The following UBTD2 variants were observed in gnomAD, a reference collection of about 807,000 sequenced individuals.
The protein encoded by UBTD2 is ubiquitin domain-containing protein 2.
In UBTD2, 9 loss-of-function variants were observed where a neutral mutation model predicts 19.8. The ratio of observed to expected loss-of-function variants is 0.46; its 90% CI spans 0.27 to 0.79. The LOEUF (loss-of-function observed/expected upper bound fraction) is 0.79, where lower values mean the gene tolerates loss of function less well. Among genes scored for constraint, UBTD2 ranks in the 30% least tolerant of loss-of-function variants. The pLI is 0.14. For synonymous variants in UBTD2, 98 were observed against 103.9 expected (o/e 0.94, Z 0.35); for missense variants, 250 against 300.4 (o/e 0.83, Z 1.24).
chr5:172,234,483 T>G, intron 1 of UBTD2, 125 bp from the exon 2 acceptor site: 7 of 781,764 alleles, frequency 9.0e-6, no homozygotes, highest in African/African-American at 1.7e-5. Context: ...ACCTGCTAGC[T>G]AATTTGTGCA....
intron 2 of UBTD2, among the ~76,000 whole-genome samples, chr5:172,225,863 T>G (rs919617867): frequency 4.6e-5 from 7 of 152,100 alleles, no homozygotes; most frequent in Non-Finnish European, 7.4e-5. Flanking sequence ...ACTATGAGCC[T>G]CTTCCAAAGC....
chr5:172,237,567 G>A (rs1210478141), intron 1 of UBTD2, among the ~76,000 whole-genome samples: 1 of 152,166 alleles, frequency 6.6e-6, no homozygotes, highest in Non-Finnish European at 1.5e-5. Context: ...AATTACTTTA[G>A]TGAAACCACA....
intron 1 of UBTD2, among the ~76,000 whole-genome samples, chr5:172,256,657 A>G (rs548633902): frequency 6.6e-6 from 1 of 151,964 alleles, no homozygotes; most frequent in South Asian, 2.1e-4. Flanking sequence ...GAGGTGGTTC[A>G]CACCTGTAAT....
intron 1 of UBTD2, among the ~76,000 whole-genome samples, chr5:172,264,813 CTGCAGTGAGCTGTGG>C (rs1755341110): frequency 6.7e-6 from 1 of 149,508 alleles, no homozygotes; most frequent in Non-Finnish European, 1.5e-5. Flanking sequence ...GAGGTCAAGG[CTGCAGTGAGCTGTGG>C]TTGTGCCACT....
At chr5:172,218,758 G>A in intron 2 of UBTD2, among the ~76,000 whole-genome samples, 1 of 128,968 alleles carries the variant, frequency 7.8e-6, no homozygotes, top group African/African-American at 2.9e-5. Flanking sequence ...CCTGGGCAAA[G>A]AGTCAGACCC....
chr5:172,234,975 G>C (rs191532158), intron 1 of UBTD2, among the ~76,000 whole-genome samples: 16 of 152,314 alleles, frequency 1.1e-4, no homozygotes, highest in Non-Finnish European at 1.9e-4. Context: ...CTCTGGTGGA[G>C]GATGCTGATA....
chr5:172,262,359 A>G (rs1421093974), intron 1 of UBTD2, among the ~76,000 whole-genome samples: 2 of 150,868 alleles, frequency 1.3e-5, no homozygotes, highest in Non-Finnish European at 3.0e-5. Context: ...TTGAGAGAGA[A>G]GAATCACTTG....
intron 1 of UBTD2, among the ~76,000 whole-genome samples, chr5:172,267,528 C>G (rs1334869285): frequency 6.6e-6 from 1 of 152,184 alleles, no homozygotes; most frequent in African/African-American, 2.4e-5. Flanking sequence ...TCAGTATACG[C>G]TCTCATCAAC....
At position 172,211,988 on chromosome 5, in the gene UBTD2, C is replaced by T; in HGVS notation, c.547G>A (p.Ala183Thr). The change falls in exon 3 of 3, where the codon GCA becomes ACA. Residue 183 changes from alanine to threonine, a missense_variant. Physicochemically the swap from Ala to Thr is moderately conservative, Grantham distance 58. Coordinates refer to ENST00000393792, the MANE Select transcript of UBTD2 (RefSeq NM_152277.3). ...TVFHMKRRLH[A>T]AEGVEPGSQR... ...CTACCTGGTTCCACTCCCTCTGCTG[C>T]ATGCAACCGTCTCTTCATGTGGAAT... The T allele has an allele frequency of 1.2e-6, 2 of 1,614,226 alleles. No individual in the cohort carries two copies. Among genetic ancestry groups the T allele is most frequent in the Admixed American group, 1.7e-5 (1 of 60,022 alleles).
chr5:172,255,365 T>TA (rs1755119855), intron 1 of UBTD2: 1 of 469,444 alleles, frequency 2.1e-6, no homozygotes. Context: ...TCCATGTAAT[T>TA]AGATGAGTAT....
chr5:172,237,936 G>A (rs1772044853), intron 1 of UBTD2, among the ~76,000 whole-genome samples: 1 of 152,176 alleles, frequency 6.6e-6, no homozygotes, highest in Admixed American at 6.5e-5. Flanking sequence ...AAATGTTAAA[G>A]AAATGTCCCT....
At chr5:172,255,323 A>T (rs986159774) in intron 1 of UBTD2, 2 of 457,980 alleles carry the variant, frequency 4.4e-6, no homozygotes, top group Non-Finnish European at 8.8e-6. Context: ...TGTGTGGAGT[A>T]GATGACCCCA....
Position 172,270,556 on chromosome 5 carries a change from A to G in UBTD2, c.70+13040T>C, listed in dbSNP as rs535873421. 4.0e-5 allele frequency among the ~76,000 whole-genome samples: 6 copies of G among 151,728 alleles called. No homozygotes were observed. In the South Asian group the frequency reaches 6.3e-4, roughly 16 times the overall value. On this transcript the variant is annotated intron_variant, in intron 1 of 2. Coordinates refer to ENST00000393792, the MANE Select transcript of UBTD2 (RefSeq NM_152277.3). The stretch of plus-strand genomic sequence containing the variant: ...TATTTTAGTAAAAGACGGGGTTTCA[A>G]TGTTGGCTGGGATGGTCTCAATCTC...
At chr5:172,282,372 A>G (rs1334304010) in intron 1 of UBTD2, among the ~76,000 whole-genome samples, 4 of 152,148 alleles carry the variant, frequency 2.6e-5, no homozygotes, top group African/African-American at 9.7e-5. Context: ...TTCTCAAGTT[A>G]TTTACCCAGG....
intron 1 of UBTD2, among the ~76,000 whole-genome samples, chr5:172,243,809 C>T (rs892798307): frequency 6.6e-5 from 10 of 151,922 alleles, no homozygotes; most frequent in African/African-American, 1.5e-4. Context: ...GTGATCCACC[C>T]GCCTCGGCCT....
chr5:172,279,551 C>T (rs189353802), intron 1 of UBTD2, among the ~76,000 whole-genome samples: 2 of 152,318 alleles, frequency 1.3e-5, no homozygotes, highest in Non-Finnish European at 2.9e-5. Context: ...GTGACCACCA[C>T]GGTCAGTTCT....
At chr5:172,228,268 G>C (rs1333287111) in intron 2 of UBTD2, among the ~76,000 whole-genome samples, 1 of 152,168 alleles carries the variant, frequency 6.6e-6, no homozygotes, top group Non-Finnish European at 1.5e-5. Flanking sequence ...GCATTGAGTT[G>C]CATTAGTTAC....
chr5:172,247,242 A>G (rs114557919), intron 1 of UBTD2, among the ~76,000 whole-genome samples: 5 of 152,250 alleles, frequency 3.3e-5, no homozygotes, highest in African/African-American at 1.2e-4. Flanking sequence ...AGACTTCAGA[A>G]CCTAGGAACA....
chr5:172,244,831 C>T (rs1050439071), intron 1 of UBTD2, among the ~76,000 whole-genome samples: 24 of 151,962 alleles, frequency 1.6e-4, no homozygotes, highest in African/African-American at 5.5e-4. Flanking sequence ...CGGGTTCAAG[C>T]GATTCTCATG....
Sources: allele counts gnomAD v4.1 joint callset (sites outside exome capture counted in the v4.1 genomes callset), GRCh38; gene constraint gnomAD v4.1.1; transcripts MANE v1.5; gene names NCBI Gene and HGNC (gene_info 2026-07-23, HGNC 2026-07-21).